The following PLCH2 variants were observed in gnomAD, a reference collection of about 807,000 sequenced individuals.
PLCH2 encodes phospholipase C eta 2.
Under a neutral mutation model 134.7 loss-of-function variants are expected in PLCH2, and 98 were observed. That is an observed-to-expected ratio of 0.73 (90% confidence interval 0.62 to 0.86). The LOEUF is 0.86. PLCH2 is among the 40% of genes least tolerant of loss of function. PLCH2 has a pLI of 0.00. For missense variants in PLCH2, 1,994 were observed against 1,986.6 expected (o/e 1.00, Z -0.07); for synonymous variants, 974 against 827.5 (o/e 1.18, Z -3.04).
chr1:2,493,185 G>GGTCTGGCCGTGCAGTACGGGCTGT (rs1338675012), intron 11 of PLCH2: 12 of 152,286 alleles, frequency 7.9e-5, no homozygotes, highest in Non-Finnish European at 1.6e-4. Flanking sequence ...GGTGACAACG[G>GGTCTGGCCGTGCAGTACGGGCTGT]GTCTGGCCGT....
intron 1 of PLCH2, among the ~76,000 whole-genome samples, chr1:2,477,999 A>G (rs1191839060): frequency 2.6e-5 from 4 of 152,162 alleles, no homozygotes; most frequent in Non-Finnish European, 5.9e-5. Context: ...CCACTGCACT[A>G]TGGCCCCAGA....
chr1:2,488,881 A>G (rs1199683301), intron 8 of PLCH2, among the ~76,000 whole-genome samples: 1 of 152,242 alleles, frequency 6.6e-6, no homozygotes, highest in East Asian at 1.9e-4. Flanking sequence ...CATCATTTTA[A>G]AACCATGACT....
chr1:2,442,861 G>T (rs1639752372), intron 2 of PLCH2, among the ~76,000 whole-genome samples: 1 of 152,152 alleles, frequency 6.6e-6, no homozygotes, highest in Non-Finnish European at 1.5e-5. Flanking sequence ...GGCCTCTCTG[G>T]ACACAGGCCA....
chr1:2,453,858 T>C (rs942138438), intron 2 of PLCH2, among the ~76,000 whole-genome samples: 2 of 152,064 alleles, frequency 1.3e-5, no homozygotes, highest in African/African-American at 4.8e-5. Context: ...CCCCAGGACT[T>C]TGGGCAACGG....
chr1:2,489,492 C>T, intron 9 of PLCH2, 114 bp downstream of exon 9: 1 of 1,165,268 alleles, frequency 8.6e-7, no homozygotes, highest in Admixed American at 2.1e-5. Flanking sequence ...ATCTAGGGGG[C>T]TGAGGGCTGG....
chr1:2,497,741 G>A (rs1642976708), intron 16 of PLCH2, 132 bp downstream of exon 16: 1 of 625,274 alleles, frequency 1.6e-6, no homozygotes. Flanking sequence ...TCCCCTGGAG[G>A]GTCAGGTTGG....
intron 2 of PLCH2, among the ~76,000 whole-genome samples, chr1:2,445,231 G>A (rs999085322): frequency 1.3e-5 from 2 of 152,120 alleles, no homozygotes; most frequent in African/African-American, 2.4e-5. Flanking sequence ...CTGTGCTGAG[G>A]GTCCCCACAG....
chr1:2,490,181 G>A (rs1642496553), intron 10 of PLCH2, among the ~76,000 whole-genome samples: 2 of 152,106 alleles, frequency 1.3e-5, no homozygotes, highest in South Asian at 2.1e-4. Context: ...TGGGTCCCAC[G>A]CCAGACTCCA....
chr1:2,456,267 G>T (rs1000843687), intron 2 of PLCH2, among the ~76,000 whole-genome samples: 1 of 152,158 alleles, frequency 6.6e-6, no homozygotes, highest in Non-Finnish European at 1.5e-5. Context: ...CCTGGCTTCC[G>T]AGCGCAGCCC....
rs1221516458 is a variant in PLCH2 at position 2,479,959 on chromosome 1, G to C, written c.497G>C (p.Arg166Pro). 6.2e-7 allele frequency: 1 copy of C among 1,606,280 alleles called. No homozygotes were observed. Among genetic ancestry groups the C allele is most frequent in the Non-Finnish European group, 8.5e-7 (1 of 1,175,776 alleles). The change falls in exon 3 of 22, where the codon CGC (arginine) becomes CCC (proline). Residue 166 changes from arginine to proline, a missense_variant. Transcript: ENST00000378486. ...GISDEDSLARRQRTRDQWLKQ... is the reference protein window; with the variant it reads ...GISDEDSLARPQRTRDQWLKQ... Reference sequence around the variant, plus strand: ...AGCGACGAGGACAGCCTGGCTCGCCGCCAGCGCACCAGGGACCAATATCCT... The same window carrying C: ...AGCGACGAGGACAGCCTGGCTCGCCCCCAGCGCACCAGGGACCAATATCCT...
intron 1 of PLCH2, among the ~76,000 whole-genome samples, chr1:2,426,532 C>T (rs1170614277): frequency 6.6e-6 from 1 of 152,220 alleles, no homozygotes; most frequent in Non-Finnish European, 1.5e-5. Context: ...CCGGCCTACA[C>T]ACACGAGCTC....
chr1:2,473,801 C>G (rs567986769), upstream of PLCH2, among the ~76,000 whole-genome samples: 21 of 152,356 alleles, frequency 1.4e-4, no homozygotes, highest in African/African-American at 5.1e-4. Context: ...TGAGCCAGGG[C>G]CCTCCTCTCC....
chr1:2,501,362 A>C (rs1489852282), intron 20 of PLCH2: 1 of 151,710 alleles, frequency 6.6e-6, no homozygotes, highest in African/African-American at 2.4e-5. Context: ...CCAGGCAGGG[A>C]CCTCCTGGGC....
At chr1:2,501,612 T>G in intron 20 of PLCH2, 1 of 156,496 alleles carries the variant, frequency 6.4e-6, no homozygotes, top group Non-Finnish European at 1.4e-5. Flanking sequence ...GCCGGGCAAG[T>G]GGGCCTCCCG....
intron 1 of PLCH2, among the ~76,000 whole-genome samples, chr1:2,429,055 G>A (rs916896535): frequency 2.0e-5 from 3 of 152,188 alleles, no homozygotes; most frequent in Non-Finnish European, 4.4e-5. Flanking sequence ...GAGGGGGTGG[G>A]TGAGGCTGGA....
intron 2 of PLCH2, among the ~76,000 whole-genome samples, chr1:2,450,379 A>C (rs1640134986): frequency 6.6e-6 from 1 of 151,840 alleles, no homozygotes; most frequent in Non-Finnish European, 1.5e-5. Context: ...TCTGCTCTAC[A>C]TGAAGTGAAG....
At chr1:2,478,118 C>A (rs1460186292) in intron 1 of PLCH2, among the ~76,000 whole-genome samples, 1 of 152,212 alleles carries the variant, frequency 6.6e-6, no homozygotes, top group Non-Finnish European at 1.5e-5. Context: ...AGGCCCAGCG[C>A]CGGTTACCAG....
intron 2 of PLCH2, among the ~76,000 whole-genome samples, chr1:2,440,559 T>C (rs3001356): frequency 0.46 from 1,465 of 3,198 alleles, 242 homozygotes; most frequent in African/African-American, 0.59. Flanking sequence ...TGGCCTTGCC[T>C]GGCCCGCCCG....
At chr1:2,459,803 G>A (rs1212278103) in intron 2 of PLCH2, among the ~76,000 whole-genome samples, 1 of 152,392 alleles carries the variant, frequency 6.6e-6, no homozygotes, top group Middle Eastern at 3.4e-3. Context: ...TGGGGAATAC[G>A]CTCCTGAGTA....
Sources: gnomAD v4.1 joint callset for allele counts (sites outside exome capture counted in the v4.1 genomes callset) on GRCh38, gnomAD v4.1.1 for gene constraint, MANE v1.5 for transcripts, NCBI Gene and HGNC (gene_info 2026-07-23, HGNC 2026-07-21) for gene names.